IFT88: variants seen among roughly 807,000 people sequenced by gnomAD.
IFT88 encodes intraflagellar transport 88.
A neutral mutation model predicts 119.5 loss-of-function variants in IFT88; 74 were observed. That is an observed-to-expected ratio of 0.62 (90% CI 0.51 to 0.75). IFT88 has a LOEUF of 0.75. IFT88 is among the 30% of genes least tolerant of loss of function. IFT88 has a pLI of 0.00. For missense variants in IFT88, 961 were observed against 977.7 expected (o/e 0.98, Z 0.23); for synonymous variants, 279 against 316.7 (o/e 0.88, Z 1.26).
chr13:20,676,039 G>A (rs78428134), intron 24 of IFT88, among the ~76,000 whole-genome samples: 1,894 of 152,280 alleles, frequency 0.012, 44 homozygotes, highest in African/African-American at 0.044. Context: ...GTCTGTATCA[G>A]TGAACTTCTC....
intron 14 of IFT88, among the ~76,000 whole-genome samples, chr13:20,621,539 A>T (rs1288007621): frequency 8.9e-4 from 15 of 16,786 alleles, no homozygotes; most frequent in African/African-American, 1.0e-3. Context: ...AAAAAAAAAA[A>T]AAAAAAAAAA....
chr13:20,668,259 C>T (rs1363486847), intron 23 of IFT88, among the ~76,000 whole-genome samples: 4 of 152,148 alleles, frequency 2.6e-5, no homozygotes, highest in Admixed American at 6.5e-5. Flanking sequence ...TTTGCATCTC[C>T]GAAGGAAGCA....
At chr13:20,581,946 G>C (rs927860570) in intron 2 of IFT88, among the ~76,000 whole-genome samples, 2 of 151,736 alleles carry the variant, frequency 1.3e-5, no homozygotes, top group African/African-American at 4.8e-5. Context: ...TAGCATCCTG[G>C]TAATATAAAC....
chr13:20,664,903 CT>C (rs2054414147), intron 23 of IFT88, among the ~76,000 whole-genome samples: 2 of 152,202 alleles, frequency 1.3e-5, no homozygotes, highest in Non-Finnish European at 1.5e-5. Flanking sequence ...CACACTGAAA[CT>C]CTGTCTCTAC....
intron 11 of IFT88, 70 bp downstream of exon 11, chr13:20,599,635 C>A: frequency 1.4e-6 from 1 of 709,054 alleles, no homozygotes; most frequent in South Asian, 1.8e-5. Context: ...ACTCTTCTGA[C>A]CTGTTTTCAG....
At chr13:20,582,119 A>T (rs2038806137) in intron 2 of IFT88, among the ~76,000 whole-genome samples, 1 of 152,140 alleles carries the variant, frequency 6.6e-6, no homozygotes, top group South Asian at 2.1e-4. Flanking sequence ...AATGTGTCTG[A>T]AGGGTTAAAG....
chr13:20,618,122 A>G (rs1219924666), intron 14 of IFT88, among the ~76,000 whole-genome samples: 1 of 151,904 alleles, frequency 6.6e-6, no homozygotes, highest in Non-Finnish European at 1.5e-5. Context: ...GGGTTTCACC[A>G]TGTTAGCCAG....
In IFT88 at chr13:20,641,282, T is replaced by C. The variant is rs1266028730; in HGVS notation, c.1574-8T>C. ...TATAGATTTTCTTTTTTTTCTTCTTTTTTTAAGGCCTTACCTATGAGAAAC... is the reference window on the plus strand; with the variant it reads ...TATAGATTTTCTTTTTTTTCTTCTTCTTTTAAGGCCTTACCTATGAGAAAC... On this transcript the variant is annotated splice_region_variant and splice_polypyrimidine_tract_variant and intron_variant, in intron 17 of 25. Transcript: ENST00000351808. The C allele has an allele frequency of 6.5e-7, 1 of 1,549,442 alleles. No individual in the cohort carries two copies. Among genetic ancestry groups the C allele is most frequent in the African/African-American group, 1.4e-5 (1 of 72,980 alleles).
At chr13:20,629,054 A>G (rs997940095) in intron 15 of IFT88, among the ~76,000 whole-genome samples, 2 of 152,110 alleles carry the variant, frequency 1.3e-5, no homozygotes, top group African/African-American at 2.4e-5. Context: ...GTATTGTTTT[A>G]TGGATGTTGT....
chr13:20,587,400 G>A (rs1277205896), intron 3 of IFT88, among the ~76,000 whole-genome samples: 1 of 152,088 alleles, frequency 6.6e-6, no homozygotes, highest in African/African-American at 2.4e-5. Flanking sequence ...TGAGACTACA[G>A]GCGTGAGCCA....
intron 24 of IFT88, among the ~76,000 whole-genome samples, chr13:20,680,006 A>G (rs1400009411): frequency 6.6e-6 from 1 of 152,216 alleles, no homozygotes; most frequent in Non-Finnish European, 1.5e-5. Context: ...GGACCAATCA[A>G]TAATGACTCC....
At chr13:20,655,366 A>G (rs1251425415) in intron 21 of IFT88, among the ~76,000 whole-genome samples, 1 of 150,658 alleles carries the variant, frequency 6.6e-6, no homozygotes, top group Non-Finnish European at 1.5e-5. Flanking sequence ...CAGGAGGCGA[A>G]GGTTGGAGGT....
chr13:20,573,199 A>G (rs1294432064), intron 1 of IFT88, among the ~76,000 whole-genome samples: 3 of 152,168 alleles, frequency 2.0e-5, no homozygotes, highest in African/African-American at 2.4e-5. Context: ...GTAGCTATAA[A>G]TTAATCTAAC....
At chr13:20,677,518 G>A (rs117572144) in intron 24 of IFT88, among the ~76,000 whole-genome samples, 5,053 of 152,274 alleles carry the variant, frequency 0.033, 117 homozygotes, top group Middle Eastern at 0.071. Context: ...AAAGGGACAG[G>A]AGCAAAGGAA....
At chr13:20,578,839 G>A (rs185968707) in intron 2 of IFT88, among the ~76,000 whole-genome samples, 130 of 152,260 alleles carry the variant, frequency 8.5e-4, no homozygotes, top group Admixed American at 1.8e-3. Context: ...GTGAGCCACC[G>A]CATCCAGCCG....
At chr13:20,615,624 A>G (rs1214262956) in intron 13 of IFT88, among the ~76,000 whole-genome samples, 169 bp from the exon 14 acceptor site, 1 of 152,176 alleles carries the variant, frequency 6.6e-6, no homozygotes, top group Non-Finnish European at 1.5e-5. Context: ...TTTCCTAGTC[A>G]TGGTTTTAAA....
intron 7 of IFT88, among the ~76,000 whole-genome samples, chr13:20,593,096 T>C (rs769878093): frequency 6.6e-6 from 1 of 152,188 alleles, no homozygotes; most frequent in African/African-American, 2.4e-5. Context: ...AGAACACATA[T>C]GAAATTAATG....
intron 20 of IFT88, among the ~76,000 whole-genome samples, chr13:20,652,614 T>TG (rs2051960258): frequency 6.7e-6 from 1 of 150,066 alleles, no homozygotes; most frequent in South Asian, 2.1e-4. Context: ...GGACCCTGTC[T>TG]GAAAAAAAAA....
chr13:20,666,019 C>T (rs936442201), intron 23 of IFT88, among the ~76,000 whole-genome samples: 8 of 152,214 alleles, frequency 5.3e-5, no homozygotes, highest in African/African-American at 1.2e-4. Flanking sequence ...CTTGAATTTA[C>T]GGTCAGCCAG....
Sources: gnomAD v4.1 joint callset for allele counts (sites outside exome capture counted in the v4.1 genomes callset) on GRCh38, gnomAD v4.1.1 for gene constraint, MANE v1.5 for transcripts, NCBI Gene and HGNC (gene_info 2026-07-23, HGNC 2026-07-21) for gene names.